Variants in USH2A observed in about 807,000 individuals in gnomAD.
USH2A encodes Usher syndrome 2A (autosomal recessive, mild).
A neutral mutation model predicts 538.9 loss-of-function variants in USH2A; 443 were observed. The ratio of observed to expected loss-of-function variants is 0.82; its 90% CI spans 0.76 to 0.89. USH2A has a LOEUF of 0.89. Among genes scored for constraint, USH2A ranks in the 40% least tolerant of loss-of-function variants. The pLI, the probability that USH2A is intolerant of heterozygous loss-of-function variation, is 0.00. For synonymous variants in USH2A, 2,413 were observed against 2,273.5 expected, an observed-to-expected ratio of 1.06 and a Z score of -1.75; for missense variants, 6,633 against 6,324.8, an observed-to-expected ratio of 1.05 and a Z score of -1.65.
Position 215,982,496 on chromosome 1 carries a change from C to G in USH2A, c.6805+10524G>C, listed in dbSNP as rs974388632. ...CAGGTCTGTATTCCTCCGTGGCACA[C>G]TATCTGTCATTAGCCAATAGTTTCT... On this transcript the variant is annotated intron_variant, in intron 35 of 71. Coordinates refer to ENST00000307340, the MANE Select transcript of USH2A (RefSeq NM_206933.4). 2.6e-5 allele frequency among the ~76,000 whole-genome samples: 4 copies of G among 152,338 alleles called. No individual in the cohort carries two copies. In the South Asian group the frequency reaches 6.2e-4, roughly 24 times the overall value.
intron 49 of USH2A, among the ~76,000 whole-genome samples, chr1:215,803,125 A>T (rs1026285731): frequency 1.3e-5 from 2 of 152,274 alleles, no homozygotes; most frequent in South Asian, 4.2e-4. Flanking sequence ...TATTGATGGG[A>T]TGTATCTCAA....
At chr1:216,362,181 G>A (rs961725746) in intron 4 of USH2A, among the ~76,000 whole-genome samples, 1 of 151,902 alleles carries the variant, frequency 6.6e-6, no homozygotes, top group Non-Finnish European at 1.5e-5. Context: ...AAGTTCATAA[G>A]CCATCAAAAA....
intron 13 of USH2A, 29 bp downstream of exon 13, chr1:216,246,556 A>C (rs1340136143): frequency 1.2e-6 from 2 of 1,613,914 alleles, no homozygotes; most frequent in Non-Finnish European, 8.5e-7. Context: ...GTCATTGTGC[A>C]CTGAAAATGT....
At position 215,634,586 on chromosome 1, in the gene USH2A, A is replaced by G; in HGVS notation, c.15170T>C (p.Ile5057Thr). 6.2e-7 allele frequency: 1 copy of G among 1,614,186 alleles called. No individual in the cohort carries two copies. The highest frequency in any genetic ancestry group is 2.2e-5 in the East Asian group (1 of 44,886). ...MAMLGLILLA[I>T]FLSLILQRKI... ...TCTTTGTAGTATCAGGGACAGAAAAATGGCCAACAAGATCAAGCCCAGCAT... is the reference window on the plus strand; with the variant it reads ...TCTTTGTAGTATCAGGGACAGAAAAGTGGCCAACAAGATCAAGCCCAGCAT... The change falls in exon 70 of 72, where the codon ATT (isoleucine) becomes ACT (threonine). Residue 5057 changes from isoleucine (I) to threonine (T), a missense_variant. Ile to Thr is a moderately conservative substitution (Grantham distance 89). Transcript: ENST00000307340.
Position 216,356,965 on chromosome 1 carries a change from C to T in USH2A, c.784+7988G>A, listed in dbSNP as rs2038401790. ...AAACTATCAAGTACAAAATGATAATCGTTGTTTGAATTTTAAATTCCCAGT... is the reference window on the plus strand; with the variant it reads ...AAACTATCAAGTACAAAATGATAATTGTTGTTTGAATTTTAAATTCCCAGT... On this transcript the variant is annotated intron_variant, in intron 4 of 71. Transcript: ENST00000307340. 2.0e-5 allele frequency among the ~76,000 whole-genome samples: 3 copies of T among 152,110 alleles called. No homozygotes were observed. The South Asian group carries it at 6.2e-4, about 32-fold the overall frequency.
chr1:216,246,630 A>G lies in USH2A; in HGVS notation c.2764T>C (p.Cys922Arg). The change falls in exon 13 of 72, where the codon TGT (cysteine) becomes CGT (arginine). Residue 922 changes from cysteine (C) to arginine (R), a missense_variant. Physicochemically the swap from Cys to Arg is radical, Grantham distance 180 (BLOSUM62 -3). Coordinates refer to ENST00000307340, the MANE Select transcript of USH2A (RefSeq NM_206933.4). ...ICDPISGQCLCVPNRQGRRCN... is the reference protein window; with the variant it reads ...ICDPISGQCLRVPNRQGRRCN... ...CTTCTTCCTTGACGATTAGGCACACACAGGCACTGGCCACTGATTGGGTCA... is the reference window on the plus strand; with the variant it reads ...CTTCTTCCTTGACGATTAGGCACACGCAGGCACTGGCCACTGATTGGGTCA... The G allele has an allele frequency of 1.2e-6, 2 of 1,614,090 alleles. No individual in the cohort carries two copies. The highest frequency in any genetic ancestry group is 1.7e-6 in the Non-Finnish European group (2 of 1,179,966).
At chr1:216,218,231 A>C (rs75420984) in intron 14 of USH2A, among the ~76,000 whole-genome samples, 1,793 of 152,278 alleles carry the variant, frequency 0.012, 21 homozygotes, top group Middle Eastern at 0.082. Flanking sequence ...AGATAACTTT[A>C]GTGCAACTTA....
At position 216,156,011 on chromosome 1, in the gene USH2A, C is replaced by G. The variant is rs75981252; in HGVS notation, c.4627+19241G>C. The stretch of plus-strand genomic sequence containing the variant: ...TCTTAAAAACATTCTTGGTATCAGG[C>G]TGTAACCTCCACAGTGGTCTTATAA... On this transcript the variant is annotated intron_variant, in intron 21 of 71. Coordinates refer to ENST00000307340, the MANE Select transcript of USH2A (RefSeq NM_206933.4). Among the ~76,000 whole-genome samples the G allele has an allele frequency of 5.6e-3, 858 of 152,208 alleles. 9 individuals are homozygous for G. The highest frequency in any genetic ancestry group is 0.02 in the African/African-American group (826 of 41,544).
At chr1:215,912,453 G>GTATA (rs780000613) in intron 38 of USH2A, among the ~76,000 whole-genome samples, 979 of 42,798 alleles carry the variant, frequency 0.023, 9 homozygotes, top group South Asian at 0.047. Flanking sequence ...GTAGGTATGT[G>GTATA]TATATATATA....
In USH2A at chr1:216,120,400, G is replaced by A. The variant is rs184405976; in HGVS notation, c.4628-23187C>T. Among the ~76,000 whole-genome samples, 23 of 151,536 alleles carry A rather than the reference G, an allele frequency of 1.5e-4. No individual in the cohort carries two copies. The East Asian group carries it at 1.8e-3, about 12-fold the overall frequency. The stretch of plus-strand genomic sequence containing the variant: ...TTATGTATTTATTTATTTATTTAGC[G>A]ATGGAGTCTCGCTCTGTCACCCAGG... On this transcript the variant is annotated intron_variant, in intron 21 of 71. Coordinates refer to ENST00000307340, the MANE Select transcript of USH2A (RefSeq NM_206933.4).
intron 15 of USH2A, among the ~76,000 whole-genome samples, chr1:216,209,456 TA>T (rs1305945513): frequency 6.6e-6 from 1 of 152,164 alleles, no homozygotes; most frequent in Non-Finnish European, 1.5e-5. Flanking sequence ...TAGGGAACAG[TA>T]AAGTGAAGTT....
chr1:215,635,232 C>A (rs562521679), intron 69 of USH2A, among the ~76,000 whole-genome samples: 4 of 152,278 alleles, frequency 2.6e-5, no homozygotes, highest in African/African-American at 7.2e-5. Flanking sequence ...TTCCATTTTC[C>A]ATTATGATAT....
At chr1:215,663,425 A>G in intron 64 of USH2A, among the ~76,000 whole-genome samples, 1 of 152,198 alleles carries the variant, frequency 6.6e-6, no homozygotes, top group East Asian at 1.9e-4. Context: ...CAGCTTCTTC[A>G]TTTGGAAAAC....
intron 40 of USH2A, among the ~76,000 whole-genome samples, chr1:215,891,047 T>C (rs551275934): frequency 2.0e-5 from 3 of 152,274 alleles, no homozygotes; most frequent in African/African-American, 4.8e-5. Context: ...GAAACAACAA[T>C]GATGCAGTTT....
rs34614462 is a variant in USH2A at position 216,034,415 on chromosome 1, G to T, written c.6325+12016C>A. ...AAGTAGTTGTGGAGTCAATGGAGGT[G>T]TAGTGGATTGAATTTTGTCCTCCCA... On this transcript the variant is annotated intron_variant, in intron 32 of 71. Transcript: ENST00000307340. 6.1e-3 allele frequency among the ~76,000 whole-genome samples: 933 copies of T among 152,272 alleles called. 7 individuals carry two copies. The highest frequency in any genetic ancestry group is 9.4e-3 in the Non-Finnish European group (640 of 68,010).
In USH2A at chr1:215,828,554, G is replaced by A. The variant is rs943298234; in HGVS notation, c.9371+9437C>T. ...CTGTTATCAGAAAGATTTCTGCAAA[G>A]TTTGTGTATAAGAATATCATTGATC... On this transcript the variant is annotated intron_variant, in intron 47 of 71. Transcript: ENST00000307340. Among the ~76,000 whole-genome samples, 10 of 152,188 alleles carry A rather than the reference G, an allele frequency of 6.6e-5. No homozygotes were observed. In the South Asian group the frequency reaches 1.7e-3, roughly 25 times the overall value.
At chr1:216,317,288 C>T (rs894608797) in intron 9 of USH2A, among the ~76,000 whole-genome samples, 12 of 151,962 alleles carry the variant, frequency 7.9e-5, no homozygotes, top group South Asian at 2.1e-4. Flanking sequence ...AAAATAATGC[C>T]GGTACAAAAA....
chr1:216,126,135 T>C (rs1020644100), intron 21 of USH2A, among the ~76,000 whole-genome samples: 2 of 152,208 alleles, frequency 1.3e-5, no homozygotes, highest in African/African-American at 4.8e-5. Context: ...GGGTCTCACA[T>C]GGAAGAGAGT....
At chr1:215,876,150 A>G (rs1236676442) in intron 43 of USH2A, among the ~76,000 whole-genome samples, 1 of 152,094 alleles carries the variant, frequency 6.6e-6, no homozygotes, top group Non-Finnish European at 1.5e-5. Flanking sequence ...TGATAATCAT[A>G]TAGGGATGCC....
Sources: allele counts gnomAD v4.1 joint callset (sites outside exome capture counted in the v4.1 genomes callset), GRCh38; gene constraint gnomAD v4.1.1; transcripts MANE v1.5; gene names NCBI Gene and HGNC (gene_info 2026-07-23, HGNC 2026-07-21).